SEMA4B: variants seen among roughly 807,000 people sequenced by gnomAD.
SEMA4B encodes the protein semaphorin 4B.
SEMA4B carries 55 observed loss-of-function variants against 88.1 expected under a neutral mutation model. The ratio of observed to expected loss-of-function variants is 0.62; its 90% CI spans 0.50 to 0.78. SEMA4B has a LOEUF of 0.78. Ranked by LOEUF, SEMA4B falls within the 30% of genes least tolerant of loss-of-function variation. The probability of loss-of-function intolerance (pLI) is 0.00; values close to 1 mark genes in which losing one functional copy is unlikely to be tolerated. For missense variants in SEMA4B, 1,062 were observed against 1,111.9 expected, an observed-to-expected ratio of 0.96 and a Z score of 0.64; for synonymous variants, 525 against 473.6, an observed-to-expected ratio of 1.11 and a Z score of -1.41.
intron 1 of SEMA4B, among the ~76,000 whole-genome samples, chr15:90,204,522 G>C (rs1245916239): frequency 6.6e-6 from 1 of 152,168 alleles, no homozygotes; most frequent in East Asian, 1.9e-4. Flanking sequence ...CAGCCACTGG[G>C]GGCTCCACAG....
intron 1 of SEMA4B, chr15:90,185,155 C>A: frequency 1.2e-6 from 1 of 814,936 alleles, no homozygotes. Flanking sequence ...AACCGCCGCG[C>A]AGCCGCTGCC....
intron 1 of SEMA4B, among the ~76,000 whole-genome samples, chr15:90,194,858 G>C (rs12899908): frequency 0.1 from 15,747 of 152,116 alleles, 1,073 homozygotes; most frequent in Admixed American, 0.19. Context: ...ATTTGTTTTT[G>C]CTGAATCATT....
At chr15:90,200,465 T>C (rs1197443952), upstream of SEMA4B, among the ~76,000 whole-genome samples, 1 of 152,234 alleles carries the variant, frequency 6.6e-6, no homozygotes, top group Non-Finnish European at 1.5e-5. Flanking sequence ...ATAGTTTCTA[T>C]GTTTTGTTTG....
chr15:90,214,014 C>T (rs1222292964), intron 1 of SEMA4B, among the ~76,000 whole-genome samples: 4 of 152,216 alleles, frequency 2.6e-5, no homozygotes, highest in Non-Finnish European at 4.4e-5. Context: ...CACCCCCACC[C>T]GAGGGCTTCC....
At chr15:90,213,445 C>A (rs1415910408) in intron 1 of SEMA4B, among the ~76,000 whole-genome samples, 3 of 152,264 alleles carry the variant, frequency 2.0e-5, no homozygotes, top group African/African-American at 7.2e-5. Context: ...TTTGTCGTTT[C>A]ATTCACTCTA....
intron 3 of SEMA4B, among the ~76,000 whole-genome samples, chr15:90,218,955 G>C (rs568931104): frequency 1.3e-5 from 2 of 152,206 alleles, no homozygotes; most frequent in Non-Finnish European, 2.9e-5. Flanking sequence ...CATATCTGGA[G>C]GAGGGGCAGG....
chr15:90,195,349 C>T (rs957747847), intron 1 of SEMA4B, among the ~76,000 whole-genome samples: 2 of 152,112 alleles, frequency 1.3e-5, no homozygotes, highest in African/African-American at 4.8e-5. Flanking sequence ...GCCTTGGCCT[C>T]CCGAAGTGCT....
chr15:90,191,044 C>T (rs956810882), intron 1 of SEMA4B, among the ~76,000 whole-genome samples: 2 of 152,230 alleles, frequency 1.3e-5, no homozygotes, highest in Non-Finnish European at 2.9e-5. Flanking sequence ...ACAGCGCCTC[C>T]TGAACTCATA....
chr15:90,185,924 A>ATTTTTTTTT lies in SEMA4B; in HGVS notation c.-122+862_-122+870dup, dbSNP rs398028319. ...CAGGCCATGGCCGTTTCTTTTGGTG[A>ATTTTTTTTT]TTTTTTTTTTTTTTTTTTTTTTTTT... On this transcript the variant is annotated intron_variant, in intron 1 of 14. Coordinates refer to the SEMA4B transcript ENST00000332496. 7.2e-5 allele frequency among the ~76,000 whole-genome samples: 4 copies of ATTTTTTTTT among 55,456 alleles called. 1 individual carries two copies. The highest frequency in any genetic ancestry group is 9.6e-4 in the South Asian group (1 of 1,040). The allele number at this position is 55,456 out of a possible 152,430, so 36.4% of individuals were successfully genotyped here.
At chr15:90,204,006 G>A (rs953478800) in intron 1 of SEMA4B, among the ~76,000 whole-genome samples, 2 of 152,018 alleles carry the variant, frequency 1.3e-5, no homozygotes, top group African/African-American at 2.4e-5. Flanking sequence ...TCTTACCTAC[G>A]TGCAGGTCCT....
intron 10 of SEMA4B, 26 bp downstream of exon 10, chr15:90,225,204 C>A (rs1567061791): frequency 1.3e-6 from 2 of 1,569,888 alleles, no homozygotes; most frequent in Non-Finnish European, 1.7e-6. Context: ...CCAGCAGGCT[C>A]AGGGGAAGGG....
intron 1 of SEMA4B, chr15:90,214,870 C>T: frequency 1.4e-6 from 1 of 739,092 alleles, no homozygotes; most frequent in Non-Finnish European, 1.9e-6. Context: ...TTTCTCTGCT[C>T]CTGATTTTAA....
intron 1 of SEMA4B, among the ~76,000 whole-genome samples, chr15:90,209,066 G>T (rs1481260657): frequency 6.6e-6 from 1 of 152,124 alleles, no homozygotes; most frequent in Non-Finnish European, 1.5e-5. Flanking sequence ...GATGCTTCAG[G>T]ACCTCCACGT....
intron 1 of SEMA4B, among the ~76,000 whole-genome samples, chr15:90,187,720 G>A (rs1030988736): frequency 6.6e-6 from 1 of 152,250 alleles, no homozygotes; most frequent in Admixed American, 6.5e-5. Flanking sequence ...CTAAAGAAAG[G>A]TGGGGGCTGG....
At chr15:90,223,441 C>A in intron 7 of SEMA4B, 118 bp from the exon 8 acceptor site, 1 of 880,274 alleles carries the variant, frequency 1.1e-6, no homozygotes, top group Non-Finnish European at 1.6e-6. Flanking sequence ...TGGTCCTGGC[C>A]TTCTCCTGCC....
chr15:90,228,509 C>A lies in SEMA4B; in HGVS notation c.2380C>A (p.Pro794Thr). ...HRGYQSLSDS[P>T]PGSRVFTESE... ...AGGGTACCAGTCCCTGTCAGACAGC[C>A]CCCCGGGGTCCCGAGTCTTCACTGA... is the stretch of plus-strand genomic sequence containing the variant. The change falls in exon 14 of 14, where the codon CCC (proline) becomes ACC (threonine). Residue 794 changes from proline to threonine, a missense_variant. By Grantham distance (38) the Pro-to-Thr change is conservative. Coordinates refer to ENST00000411539, the MANE Select transcript of SEMA4B (RefSeq NM_198925.4). The A allele has an allele frequency of 1.2e-6, 2 of 1,611,524 alleles. No individual in the cohort carries two copies. The highest frequency in any genetic ancestry group is 1.7e-6 in the Non-Finnish European group (2 of 1,179,160).
chr15:90,206,034 G>A (rs1472657788), intron 1 of SEMA4B, among the ~76,000 whole-genome samples: 2 of 152,190 alleles, frequency 1.3e-5, no homozygotes, highest in Non-Finnish European at 2.9e-5. Flanking sequence ...TGCCAACCCA[G>A]GAGAGCGCTA....
intron 1 of SEMA4B, among the ~76,000 whole-genome samples, chr15:90,191,008 G>C (rs919700226): frequency 6.6e-6 from 1 of 152,184 alleles, no homozygotes; most frequent in African/African-American, 2.4e-5. Context: ...CCCTGGACAG[G>C]CGAGTGGGTG....
At chr15:90,195,604 G>A (rs575294106) in intron 1 of SEMA4B, among the ~76,000 whole-genome samples, 2 of 151,594 alleles carry the variant, frequency 1.3e-5, no homozygotes, top group African/African-American at 2.4e-5. Context: ...ATGATGTTTT[G>A]TACTTGTTGT....
Sources: allele counts gnomAD v4.1 joint callset (sites outside exome capture counted in the v4.1 genomes callset), GRCh38; gene constraint gnomAD v4.1.1; transcripts MANE v1.5; gene names NCBI Gene and HGNC (gene_info 2026-07-23, HGNC 2026-07-21).